The following POR variants were observed in gnomAD, a reference collection of about 807,000 sequenced individuals.
POR encodes cytochrome p450 oxidoreductase, also known as NADPH--cytochrome P450 reductase.
In POR, 56 loss-of-function variants were observed where a neutral mutation model predicts 84.0. The ratio of observed to expected loss-of-function variants is 0.67; its 90% confidence interval spans 0.54 to 0.83. POR has a LOEUF of 0.83. Ranked by LOEUF, POR falls within the 40% of genes least tolerant of loss-of-function variation. POR has a pLI of 0.00. For synonymous variants in POR, 414 were observed against 400.5 expected, an observed-to-expected ratio of 1.03 and a Z score of -0.40; for missense variants, 938 against 944.3, an observed-to-expected ratio of 0.99 and a Z score of 0.09.
At chr7:75,940,513 AGTGGCTCACACCTG>A (rs1807927617) in intron 1 of POR, among the ~76,000 whole-genome samples, 1 of 147,626 alleles carries the variant, frequency 6.8e-6, no homozygotes, top group Non-Finnish European at 1.5e-5. Context: ...GGCCGGGTGC[AGTGGCTCACACCTG>A]TAATACCAGC....
intron 12 of POR, 69 bp downstream of exon 12, chr7:75,985,276 A>G (rs1169068939): frequency 1.4e-6 from 2 of 1,473,586 alleles, no homozygotes; most frequent in Admixed American, 2.2e-5. Context: ...GGCAGAGTGC[A>G]AGGCGGCACA....
At chr7:75,981,195 T>G in intron 6 of POR, 23 bp downstream of exon 6, 1 of 1,522,782 alleles carries the variant, frequency 6.6e-7, no homozygotes, top group Non-Finnish European at 8.8e-7. Context: ...CCTGCCACCA[T>G]GATCAGCGCG....
intron 2 of POR, among the ~76,000 whole-genome samples, chr7:75,962,416 C>T (rs1203873202): frequency 2.0e-5 from 3 of 152,108 alleles, no homozygotes; most frequent in Non-Finnish European, 2.9e-5. Context: ...CATCTCAGCC[C>T]CCTGAGTAGC....
chr7:75,915,822 G>GT (rs1400383588), intron 1 of POR: 6 of 152,212 alleles, frequency 3.9e-5, no homozygotes, highest in Non-Finnish European at 8.8e-5. Flanking sequence ...GAGCAATTGG[G>GT]TAAGAGTTCA....
chr7:75,932,818 G>A (rs1807483695), intron 1 of POR, among the ~76,000 whole-genome samples: 1 of 152,016 alleles, frequency 6.6e-6, no homozygotes, highest in Admixed American at 6.6e-5. Flanking sequence ...AGGAGTTTGA[G>A]ACCAGCCTGG....
Position 75,986,593 on chromosome 7 carries a change from C to A in POR, c.*112C>A. On this transcript the variant is annotated 3_prime_UTR_variant, in exon 16 of 16. Transcript: ENST00000461988. ...CTTGGCCTTGGCATGGGCGCAGGCCCAGTGACAAAGACTCCTCTGGGCCTG... is the reference window on the plus strand; with the variant it reads ...CTTGGCCTTGGCATGGGCGCAGGCCAAGTGACAAAGACTCCTCTGGGCCTG... The A allele has an allele frequency of 1.5e-6, 2 of 1,368,666 alleles. No homozygotes were observed. The highest frequency in any genetic ancestry group is 9.9e-7 in the Non-Finnish European group (1 of 1,012,928). 84.8% of individuals were successfully genotyped at this position (1,368,666 alleles called of 1,614,324 possible).
intron 1 of POR, among the ~76,000 whole-genome samples, chr7:75,952,664 C>CG (rs1787495468): frequency 6.7e-6 from 1 of 149,316 alleles, no homozygotes; most frequent in African/African-American, 2.5e-5. Context: ...CGGGCAGAGG[C>CG]GCTCCTCACA....
chr7:75,928,479 A>G (rs1252843813), intron 1 of POR, among the ~76,000 whole-genome samples: 2 of 152,214 alleles, frequency 1.3e-5, no homozygotes, highest in Non-Finnish European at 2.9e-5. Flanking sequence ...GAAGTCACGT[A>G]TGTCACTTCT....
chr7:75,938,141 C>T (rs1554551090), intron 1 of POR, among the ~76,000 whole-genome samples: 1 of 152,204 alleles, frequency 6.6e-6, no homozygotes, highest in African/African-American at 2.4e-5. Context: ...CAGCTGCCTT[C>T]CTCCTTTCAC....
chr7:75,967,873 G>A (rs1045303352), intron 2 of POR: 42 of 361,122 alleles, frequency 1.2e-4, no homozygotes, highest in South Asian at 2.2e-4. Flanking sequence ...GCTCATGGGG[G>A]CAGACGCAGG....
At chr7:75,976,200 C>G (rs1434741824) in intron 3 of POR, among the ~76,000 whole-genome samples, 3 of 152,106 alleles carry the variant, frequency 2.0e-5, no homozygotes, top group African/African-American at 4.8e-5. Context: ...ACCTGATAAT[C>G]ATGAGCACTT....
rs554678568 is a variant in POR, at chr7:75,985,524, G to A, written c.1399-55G>A. Reference sequence around the variant, plus strand: ...GGCCTGCAGAACGGGACTTGGGGCCGGGGCTGGGCAAGGGCCTCGGTGTGG... The same window carrying A: ...GGCCTGCAGAACGGGACTTGGGGCCAGGGCTGGGCAAGGGCCTCGGTGTGG... On this transcript the variant is annotated intron_variant, in intron 12 of 15. Coordinates refer to ENST00000461988, the MANE Select transcript of POR (RefSeq NM_000941.3). 45 of 1,461,896 alleles carry A rather than the reference G, an allele frequency of 3.1e-5. 1 individual carries two copies. In the South Asian group the frequency reaches 4.3e-4, roughly 14 times the overall value. 90.6% of individuals were successfully genotyped at this position (1,461,896 alleles called of 1,614,324 possible).
intron 1 of POR, among the ~76,000 whole-genome samples, chr7:75,949,730 G>A (rs1411275996): frequency 1.3e-5 from 2 of 151,942 alleles, no homozygotes; most frequent in South Asian, 2.1e-4. Flanking sequence ...ATGTTGGCCA[G>A]GCTGGTCTCA....
chr7:75,966,520 G>A (rs145442040), intron 2 of POR, among the ~76,000 whole-genome samples: 238 of 152,206 alleles, frequency 1.6e-3, no homozygotes, highest in African/African-American at 5.4e-3. Context: ...CCCTTCTCTC[G>A]CCGTGGGCAC....
chr7:75,941,014 A>T (rs1273163788), intron 1 of POR, among the ~76,000 whole-genome samples: 3 of 151,952 alleles, frequency 2.0e-5, no homozygotes, highest in African/African-American at 4.8e-5. Context: ...AAAAGTTTTT[A>T]AAAAATTAGC....
chr7:75,985,411 C>T (rs1305531447), intron 12 of POR, 168 bp from the exon 13 acceptor site: 2 of 1,132,336 alleles, frequency 1.8e-6, no homozygotes, highest in Admixed American at 2.9e-5. Context: ...GCCCCGGTCC[C>T]CAGAACCAGT....
intron 1 of POR, among the ~76,000 whole-genome samples, chr7:75,931,337 T>TTTTA (rs140503871): frequency 0.16 from 23,354 of 142,732 alleles, 2,040 homozygotes; most frequent in Non-Finnish European, 0.18. Flanking sequence ...TATTGTGTGA[T>TTTTA]TTTATTTATT....
intron 5 of POR, 197 bp downstream of exon 5, chr7:75,980,685 A>G (rs1229163246): frequency 6.5e-7 from 1 of 1,531,700 alleles, no homozygotes; most frequent in East Asian, 2.5e-5. Flanking sequence ...CCCCAGCCCC[A>G]GTCGGCTCCA....
In POR at chr7:75,986,640, C is replaced by T. The variant is rs1276636076; in HGVS notation, c.*159C>T. On this transcript the variant is annotated 3_prime_UTR_variant, in exon 16 of 16. Transcript: ENST00000461988. The stretch of plus-strand genomic sequence containing the variant: ...CCTGGGGTGCATCCTCCTCAGCCCC[C>T]AGGCCAGGTGAGGTCCACCGGCCCC... The T allele has an allele frequency of 1.1e-6, 1 of 930,608 alleles. No individual in the cohort carries two copies. The highest frequency in any genetic ancestry group is 1.6e-6 in the Non-Finnish European group (1 of 632,384). 57.6% of individuals were successfully genotyped at this position (930,608 alleles called of 1,614,324 possible). A position where few individuals can be genotyped will look rare whatever the true frequency, so the allele number is the denominator to read the frequency against.
Sources: gnomAD v4.1 joint callset for allele counts (sites outside exome capture counted in the v4.1 genomes callset) on GRCh38, gnomAD v4.1.1 for gene constraint, MANE v1.5 for transcripts, NCBI Gene and HGNC (gene_info 2026-07-23, HGNC 2026-07-21) for gene names.